The following VRK3 variants were observed in gnomAD, a reference collection of about 807,000 sequenced individuals.
VRK3 encodes VRK serine/threonine kinase 3, also known as serine/threonine-protein kinase VRK3.
A neutral mutation model predicts 60.4 loss-of-function variants in VRK3; 50 were observed. The ratio of observed to expected loss-of-function variants is 0.83; its 90% CI spans 0.66 to 1.05. VRK3 has a LOEUF of 1.05. Ranked by LOEUF, VRK3 falls within the 50% of genes least tolerant of loss-of-function variation. VRK3 has a pLI of 0.00. For synonymous variants in VRK3, 246 were observed against 227.8 expected, an observed-to-expected ratio of 1.08 and a Z score of -0.72; for missense variants, 549 against 585.3, an observed-to-expected ratio of 0.94 and a Z score of 0.64.
intron 12 of VRK3, among the ~76,000 whole-genome samples, chr19:49,984,480 C>T (rs1288882364): frequency 6.6e-6 from 1 of 152,188 alleles, no homozygotes; most frequent in Non-Finnish European, 1.5e-5. Flanking sequence ...TACCTCCACC[C>T]TCACCTGCAG....
In VRK3 at chr19:50,000,858, T is replaced by C; in HGVS notation, c.548-4A>G. The C allele has an allele frequency of 6.2e-7, 1 of 1,613,318 alleles. No homozygotes were observed. Among genetic ancestry groups the C allele is most frequent in the Non-Finnish European group, 8.5e-7 (1 of 1,179,672 alleles). On this transcript the variant is annotated splice_polypyrimidine_tract_variant and splice_region_variant and intron_variant, in intron 5 of 14. Transcript: ENST00000316763. ...GTGAGGGTGGAGGTGGGTGCAGCTG[T>C]GGGGGAACAAACAAGGGAGTGAGGT...
chr19:49,983,185 C>G (rs114345701), intron 12 of VRK3, among the ~76,000 whole-genome samples: 2,664 of 144,946 alleles, frequency 0.018, 70 homozygotes, highest in African/African-American at 0.063. Context: ...CTGACTCCAT[C>G]TCCCCACTCC....
At chr19:50,011,971 CTTTTT>C (rs36006212) in intron 3 of VRK3, among the ~76,000 whole-genome samples, 4 of 139,254 alleles carry the variant, frequency 2.9e-5, no homozygotes, top group Non-Finnish European at 4.6e-5. Flanking sequence ...CTTGCTCATT[CTTTTT>C]TTTTTTTTTT....
intron 12 of VRK3, chr19:49,982,013 G>T (rs2076432427): frequency 1.5e-6 from 1 of 653,492 alleles, no homozygotes; most frequent in African/African-American, 1.8e-5. Flanking sequence ...GGCTGTCTGT[G>T]GCTGACTCAA....
chr19:50,009,607 ACT>A (rs1290025184), intron 3 of VRK3, among the ~76,000 whole-genome samples: 1 of 151,762 alleles, frequency 6.6e-6, no homozygotes, highest in Non-Finnish European at 1.5e-5. Flanking sequence ...GCACTTTGCC[ACT>A]CTGTGTCCTT....
chr19:49,997,422 G>A, intron 7 of VRK3, 82 bp downstream of exon 7: 1 of 1,487,526 alleles, frequency 6.7e-7, no homozygotes, highest in Non-Finnish European at 9.3e-7. Flanking sequence ...CCCTTCTCAT[G>A]CCTGCAGGTA....
At chr19:49,990,452 T>C (rs1453137444) in intron 10 of VRK3, among the ~76,000 whole-genome samples, 2 of 152,186 alleles carry the variant, frequency 1.3e-5, no homozygotes, top group African/African-American at 4.8e-5. Flanking sequence ...AGTGGCGCGA[T>C]CACGGCTCAC....
In VRK3 at chr19:49,979,330, G is replaced by GT. The variant is rs1297137648; in HGVS notation, c.1277-89dup. 6 of 1,585,704 alleles carry GT rather than the reference G, an allele frequency of 3.8e-6. No individual in the cohort carries two copies. In the East Asian group the frequency reaches 9.0e-5, roughly 24 times the overall value. On this transcript the variant is annotated intron_variant, in intron 13 of 14. Transcript: ENST00000316763. Reference sequence around the variant, plus strand: ...GGGGTCTCCACCCAAGGATGGAGGGGTGGGGGACTGAGGGGCATGAGGGTC... The same window carrying GT: ...GGGGTCTCCACCCAAGGATGGAGGGGTTGGGGGACTGAGGGGCATGAGGGTC...
At chr19:49,998,655 T>C (rs1224786958) in intron 6 of VRK3, 1 of 152,200 alleles carries the variant, frequency 6.6e-6, no homozygotes, top group East Asian at 1.9e-4. Flanking sequence ...ATTGGGGATA[T>C]AGCTGTGAAC....
chr19:50,021,478 G>A (rs1568822273), intron 1 of VRK3, among the ~76,000 whole-genome samples: 2 of 152,214 alleles, frequency 1.3e-5, no homozygotes, highest in African/African-American at 2.4e-5. Context: ...AAGTAGCCCA[G>A]GCAGAGAAAC....
At chr19:49,998,606 C>G (rs2076745605) in intron 6 of VRK3, 1 of 152,060 alleles carries the variant, frequency 6.6e-6, no homozygotes, top group East Asian at 1.9e-4. Context: ...TTCATTCTTC[C>G]TACAAAGCCT....
Position 50,022,444 on chromosome 19 carries a change from C to T in VRK3, c.-64-1797G>A, listed in dbSNP as rs542731027. 5.9e-5 allele frequency among the ~76,000 whole-genome samples: 9 copies of T among 152,318 alleles called. No individual in the cohort carries two copies. The South Asian group carries it at 1.7e-3, about 28-fold the overall frequency. ...ATCTATTTTCAACCCAGTAGCTTGA[C>T]GGATCCACTTAAAATCTAAGTCAGA... is the stretch of plus-strand genomic sequence containing the variant. On this transcript the variant is annotated intron_variant, in intron 1 of 14. Coordinates refer to ENST00000316763, the MANE Select transcript of VRK3 (RefSeq NM_016440.4).
At chr19:49,992,700 CCTA>C (rs2076631844) in intron 10 of VRK3, among the ~76,000 whole-genome samples, 157 bp downstream of exon 10, 1 of 152,032 alleles carries the variant, frequency 6.6e-6, no homozygotes, top group Non-Finnish European at 1.5e-5. Flanking sequence ...TGTCCATTTT[CCTA>C]CTAAGTTGCT....
At chr19:50,004,849 G>A (rs745708761) in intron 5 of VRK3, among the ~76,000 whole-genome samples, 1 of 152,004 alleles carries the variant, frequency 6.6e-6, no homozygotes, top group Non-Finnish European at 1.5e-5. Context: ...GGTTGAGGCT[G>A]CAGTGAGCCG....
chr19:50,003,960 G>A (rs988937129), intron 5 of VRK3, among the ~76,000 whole-genome samples: 1 of 152,238 alleles, frequency 6.6e-6, no homozygotes, highest in Non-Finnish European at 1.5e-5. Flanking sequence ...CAACACTTTG[G>A]GAGGCAGAGG....
chr19:50,007,024 A>G (rs2076903528), intron 5 of VRK3, among the ~76,000 whole-genome samples: 1 of 152,160 alleles, frequency 6.6e-6, no homozygotes, highest in Non-Finnish European at 1.5e-5. Flanking sequence ...ACCCCCAAGC[A>G]CGATGAAACA....
At position 49,988,460 on chromosome 19, in the gene VRK3, C is replaced by T. The variant is rs751919696; in HGVS notation, c.1129G>A (p.Gly377Ser). ...TAGAGCCACTTCAGCATGCAGTAGC[C>T]CAGGCTCTGGAGGTCGCTGCGGCGG... is the stretch of plus-strand genomic sequence containing the variant. ...PSRRSDLQSL[G>S]YCMLKWLYGF... The change falls in exon 12 of 15, where the codon GGC becomes AGC. Residue 377 changes from glycine (G) to serine (S), a missense_variant. Physicochemically the swap from Gly to Ser is moderately conservative, Grantham distance 56. Transcript: ENST00000316763. 1 of 1,613,512 alleles carries T rather than the reference C, an allele frequency of 6.2e-7. No homozygotes were observed.
chr19:50,019,819 T>C (rs2077142241), intron 2 of VRK3, among the ~76,000 whole-genome samples: 1 of 150,976 alleles, frequency 6.6e-6, no homozygotes, highest in African/African-American at 2.4e-5. Context: ...ATTACAGGTG[T>C]GGGCCACCAT....
chr19:50,022,979 C>T lies in VRK3; in HGVS notation c.-65+2288G>A, dbSNP rs7257047. 5.8e-3 allele frequency among the ~76,000 whole-genome samples: 890 copies of T among 152,264 alleles called. 7 individuals are homozygous for T. The highest frequency in any genetic ancestry group is 0.02 in the African/African-American group (829 of 41,542). The stretch of plus-strand genomic sequence containing the variant: ...CCTCTCCCACCTCTCCCCTTGCTCA[C>T]GCTGAGTCAGCCACAACAGCTTCGG... On this transcript the variant is annotated intron_variant, in intron 1 of 14. Coordinates refer to ENST00000316763, the MANE Select transcript of VRK3 (RefSeq NM_016440.4).
Sources: gnomAD v4.1 joint callset for allele counts (sites outside exome capture counted in the v4.1 genomes callset) on GRCh38, gnomAD v4.1.1 for gene constraint, MANE v1.5 for transcripts, NCBI Gene and HGNC (gene_info 2026-07-23, HGNC 2026-07-21) for gene names.